The following ADAMTS19 variants were observed in gnomAD, a reference collection of about 807,000 sequenced individuals.
The protein encoded by ADAMTS19 is A disintegrin and metalloproteinase with thrombospondin motifs 19.
Under a neutral mutation model 153.3 loss-of-function variants are expected in ADAMTS19, and 93 were observed. The observed-to-expected ratio is 0.61, with a 90% CI of 0.51 to 0.72. ADAMTS19 has a LOEUF of 0.72. Ranked by LOEUF, ADAMTS19 falls within the 30% of genes least tolerant of loss-of-function variation. The pLI is 0.00. For missense variants in ADAMTS19, 1,482 were observed against 1,552.1 expected (o/e 0.95, Z 0.76); for synonymous variants, 600 against 556.6 (o/e 1.08, Z -1.10).
intron 2 of ADAMTS19, among the ~76,000 whole-genome samples, chr5:129,473,290 G>C (rs922811545): frequency 1.3e-5 from 2 of 151,782 alleles, no homozygotes; most frequent in African/African-American, 4.8e-5. Context: ...CATTATGATT[G>C]GGATTTGAAT....
chr5:129,634,657 C>G (rs915452186), intron 10 of ADAMTS19, among the ~76,000 whole-genome samples: 1 of 152,000 alleles, frequency 6.6e-6, no homozygotes, highest in Non-Finnish European at 1.5e-5. Context: ...TTTGACAAAC[C>G]TGTTCAATAA....
intron 21 of ADAMTS19, among the ~76,000 whole-genome samples, chr5:129,713,800 A>G (rs147983164): frequency 7.0e-6 from 1 of 142,006 alleles, no homozygotes; most frequent in African/African-American, 2.6e-5. Context: ...TTTAACAAAC[A>G]GAGCCATGGG....
chr5:129,611,987 AT>A (rs1751245229), intron 8 of ADAMTS19, among the ~76,000 whole-genome samples: 1 of 151,852 alleles, frequency 6.6e-6, no homozygotes, highest in African/African-American at 2.4e-5. Context: ...TTTTATTATT[AT>A]TATATTTTAA....
At chr5:129,491,849 AATT>A (rs1750781384) in intron 2 of ADAMTS19, among the ~76,000 whole-genome samples, 1 of 152,158 alleles carries the variant, frequency 6.6e-6, no homozygotes, top group African/African-American at 2.4e-5. Context: ...TATGTTACTT[AATT>A]ATTATTTAAA....
At chr5:129,507,511 G>A (rs886437076) in intron 2 of ADAMTS19, among the ~76,000 whole-genome samples, 4 of 151,958 alleles carry the variant, frequency 2.6e-5, no homozygotes, top group Non-Finnish European at 2.9e-5. Flanking sequence ...AATATGTATG[G>A]AAAATGAAAG....
intron 15 of ADAMTS19, among the ~76,000 whole-genome samples, chr5:129,660,093 A>G (rs9327530): frequency 0.13 from 19,425 of 152,174 alleles, 1,662 homozygotes; most frequent in African/African-American, 0.24. Flanking sequence ...ATTAGTCACC[A>G]TCTTCTAAAG....
intron 6 of ADAMTS19, among the ~76,000 whole-genome samples, chr5:129,534,749 A>G (rs1364675213): frequency 3.9e-5 from 6 of 152,306 alleles, no homozygotes; most frequent in Admixed American, 2.0e-4. Context: ...TTCATCCCTG[A>G]GATGCAAGGC....
chr5:129,723,590 G>A (rs1351153687), intron 21 of ADAMTS19, among the ~76,000 whole-genome samples: 1 of 152,124 alleles, frequency 6.6e-6, no homozygotes, highest in East Asian at 1.9e-4. Context: ...TGACATGTGA[G>A]CCACAGCATA....
intron 8 of ADAMTS19, among the ~76,000 whole-genome samples, chr5:129,618,537 C>T (rs1751632870): frequency 6.6e-6 from 1 of 151,824 alleles, no homozygotes; most frequent in Non-Finnish European, 1.5e-5. Context: ...TTAATTTTAA[C>T]AATTTTGATT....
intron 7 of ADAMTS19, among the ~76,000 whole-genome samples, chr5:129,577,276 T>C (rs191057307): frequency 1.9e-4 from 29 of 152,296 alleles, no homozygotes; most frequent in Admixed American, 5.2e-4. Context: ...CCTAAATATT[T>C]TTCAGGTTCC....
intron 15 of ADAMTS19, among the ~76,000 whole-genome samples, chr5:129,661,878 C>T (rs1288898833): frequency 6.6e-6 from 1 of 152,130 alleles, no homozygotes; most frequent in South Asian, 2.1e-4. Context: ...TTTGCCACAG[C>T]AGTCGGGGAG....
intron 7 of ADAMTS19, among the ~76,000 whole-genome samples, chr5:129,558,574 C>A (rs963202311): frequency 2.0e-5 from 3 of 151,996 alleles, no homozygotes; most frequent in African/African-American, 7.3e-5. Context: ...GTTCATTTCC[C>A]TCAAACTGAT....
chr5:129,645,554 G>A (rs778244784), intron 11 of ADAMTS19, among the ~76,000 whole-genome samples: 6 of 152,100 alleles, frequency 3.9e-5, no homozygotes, highest in Non-Finnish European at 8.8e-5. Context: ...AAATAGGTTT[G>A]CATTTCTGTA....
chr5:129,643,367 C>CAAAA (rs556007087), intron 11 of ADAMTS19, among the ~76,000 whole-genome samples: 5 of 40,360 alleles, frequency 1.2e-4, no homozygotes, highest in Admixed American at 3.7e-4. Context: ...GTTTCAAAGA[C>CAAAA]AAAAAAAAAA....
At chr5:129,736,996 C>T (rs754333941) in intron 22 of ADAMTS19, 71 bp from the exon 23 acceptor site, 95 of 1,378,688 alleles carry the variant, frequency 6.9e-5, no homozygotes, top group East Asian at 1.0e-4. Context: ...CCCACTTAAA[C>T]GCTTGAAGTT....
At chr5:129,613,329 A>G (rs1482384643) in intron 8 of ADAMTS19, among the ~76,000 whole-genome samples, 1 of 152,174 alleles carries the variant, frequency 6.6e-6, no homozygotes, top group Admixed American at 6.6e-5. Flanking sequence ...AATTATAACA[A>G]ACTGTCTCTC....
intron 2 of ADAMTS19, among the ~76,000 whole-genome samples, chr5:129,501,520 A>G (rs1483502925): frequency 2.0e-5 from 3 of 152,114 alleles, no homozygotes; most frequent in Admixed American, 6.6e-5. Flanking sequence ...TTAGTGTACA[A>G]TTTTTTAAAG....
At chr5:129,601,323 T>C (rs571231937) in intron 8 of ADAMTS19, among the ~76,000 whole-genome samples, 77 of 152,278 alleles carry the variant, frequency 5.1e-4, no homozygotes, top group African/African-American at 1.7e-3. Context: ...TGAAAATACT[T>C]AGTTTTTCAT....
At chr5:129,534,700 C>G (rs981136954) in intron 6 of ADAMTS19, among the ~76,000 whole-genome samples, 7 of 152,154 alleles carry the variant, frequency 4.6e-5, no homozygotes, top group Admixed American at 6.5e-5. Flanking sequence ...CCGAATCCAG[C>G]AGCACATCAA....
Sources: gnomAD v4.1 joint callset for allele counts (sites outside exome capture counted in the v4.1 genomes callset) on GRCh38, gnomAD v4.1.1 for gene constraint, MANE v1.5 for transcripts, NCBI Gene and HGNC (gene_info 2026-07-23, HGNC 2026-07-21) for gene names.